Variants in NCAPG2 observed in about 807,000 individuals in gnomAD.
NCAPG2 encodes the protein non-SMC condensin II complex subunit G2.
Under a neutral mutation model 141.1 loss-of-function variants are expected in NCAPG2, and 53 were observed. The observed-to-expected ratio is 0.38, with a 90% CI of 0.30 to 0.47. The LOEUF is 0.47. NCAPG2 is among the 20% of genes least tolerant of loss of function. The probability of loss-of-function intolerance (pLI) is 0.99; values close to 1 mark genes in which losing one functional copy is unlikely to be tolerated. For missense variants in NCAPG2, 1,087 were observed against 1,389.0 expected (o/e 0.78, Z 3.46); for synonymous variants, 499 against 490.7 (o/e 1.02, Z -0.22).
chr7:158,680,884 T>G, intron 9 of NCAPG2, 68 bp from the exon 10 acceptor site: 1 of 1,187,876 alleles, frequency 8.4e-7, no homozygotes, highest in Admixed American at 2.2e-5. Context: ...AAATGGCATT[T>G]GGAAAGAGCA....
intron 2 of NCAPG2, among the ~76,000 whole-genome samples, chr7:158,696,936 T>C (rs1002227429): frequency 1.3e-5 from 2 of 152,258 alleles, no homozygotes; most frequent in South Asian, 2.1e-4. Flanking sequence ...AAGATTATAA[T>C]GGAGCTGAAA....
intron 24 of NCAPG2, among the ~76,000 whole-genome samples, 166 bp downstream of exon 24, chr7:158,650,666 T>C (rs1399974129): frequency 6.6e-6 from 1 of 152,210 alleles, no homozygotes; most frequent in Admixed American, 6.5e-5. Flanking sequence ...AAATACTAAC[T>C]AGCTATCAAA....
At chr7:158,634,888 G>T (rs1304163967) in intron 27 of NCAPG2, among the ~76,000 whole-genome samples, 1 of 152,218 alleles carries the variant, frequency 6.6e-6, no homozygotes, top group Non-Finnish European at 1.5e-5. Context: ...GGAAGGGACA[G>T]TGACAAAAAG....
At position 158,700,840 on chromosome 7, in the gene NCAPG2, C is replaced by T. The variant is rs1226576031; in HGVS notation, c.78+982G>A. ...GGGTCTCCTGCCCCAAAGATACTTT[C>T]GTATTTCAGAGTCAGTGCCTCCAAT... On this transcript the variant is annotated intron_variant, in intron 2 of 27. Transcript: ENST00000356309. Among the ~76,000 whole-genome samples, 4 of 152,312 alleles carry T rather than the reference C, an allele frequency of 2.6e-5. No homozygotes were observed. In the South Asian group the frequency reaches 6.2e-4, roughly 24 times the overall value.
At chr7:158,653,253 CA>C (rs1563512368) in intron 22 of NCAPG2, among the ~76,000 whole-genome samples, 1 of 151,406 alleles carries the variant, frequency 6.6e-6, no homozygotes, top group African/African-American at 2.4e-5. Flanking sequence ...CCCAGCTACT[CA>C]GGAGGCTGAG....
Position 158,656,308 on chromosome 7 carries a change from A to G in NCAPG2, c.2340T>C (p.Ala780=), listed in dbSNP as rs1831969604. ...AAAGATGGTTAAGTTTCTTCCGAGGAGCAGAGAGCAAGCACTCGCGGTTCT... is the reference window on the plus strand; with the variant it reads ...AAAGATGGTTAAGTTTCTTCCGAGGGGCAGAGAGCAAGCACTCGCGGTTCT... The part of the protein sequence containing the change: ...HPKNRECLLS[A]PRKKLNHLLK... Residue 780 remains alanine (A), a synonymous_variant, in exon 19 of 28, where the codon GCT becomes GCC. Transcript: ENST00000356309. 8 of 1,614,182 alleles carry G rather than the reference A, an allele frequency of 5.0e-6. No homozygotes were observed. The highest frequency in any genetic ancestry group is 6.8e-6 in the Non-Finnish European group (8 of 1,180,040).
At chr7:158,644,094 T>C (rs1035402022) in intron 27 of NCAPG2, among the ~76,000 whole-genome samples, 195 bp downstream of exon 27, 68 of 152,362 alleles carry the variant, frequency 4.5e-4, no homozygotes, top group African/African-American at 1.6e-3. Flanking sequence ...TTTGTTTTGT[T>C]TTTGAAGACA....
At chr7:158,666,373 C>T (rs927173022) in intron 13 of NCAPG2, among the ~76,000 whole-genome samples, 5 of 152,086 alleles carry the variant, frequency 3.3e-5, no homozygotes, top group Admixed American at 6.6e-5. Flanking sequence ...CTGCAGGTGA[C>T]AGTGCTGTTG....
chr7:158,704,327 A>G (rs1219266973), intron 1 of NCAPG2, among the ~76,000 whole-genome samples: 144 of 76,086 alleles, frequency 1.9e-3, no homozygotes, highest in Admixed American at 2.5e-3. Flanking sequence ...CTGAGGGGAC[A>G]CTCTCTGAGG....
intron 16 of NCAPG2, among the ~76,000 whole-genome samples, chr7:158,661,454 A>G (rs1832498066): frequency 6.6e-6 from 1 of 152,004 alleles, no homozygotes; most frequent in African/African-American, 2.4e-5. Context: ...CGCACAGAGA[A>G]GAGTGGTGGG....
intron 4 of NCAPG2, among the ~76,000 whole-genome samples, chr7:158,692,598 G>A (rs1052141038): frequency 7.2e-5 from 11 of 152,126 alleles, no homozygotes; most frequent in Admixed American, 1.3e-4. Flanking sequence ...AAAATTAGGC[G>A]GGCGTGGTGG....
In NCAPG2 at chr7:158,639,525, A is replaced by G. The variant is rs188387388; in HGVS notation, c.3380+4764T>C. Among the ~76,000 whole-genome samples, 1,231 of 152,348 alleles carry G rather than the reference A, an allele frequency of 8.1e-3. 6 individuals are homozygous for G. The highest frequency in any genetic ancestry group is 0.015 in the Non-Finnish European group (989 of 68,030). ...TTAAAATCAATAAACAAAAACCACAAGCCATTTTGTTAATAAATTTAAAAA... is the reference window on the plus strand; with the variant it reads ...TTAAAATCAATAAACAAAAACCACAGGCCATTTTGTTAATAAATTTAAAAA... On this transcript the variant is annotated intron_variant, in intron 27 of 27. Transcript: ENST00000356309.
intron 25 of NCAPG2, among the ~76,000 whole-genome samples, chr7:158,646,163 T>A (rs537964222): frequency 1.3e-5 from 2 of 152,330 alleles, no homozygotes; most frequent in Admixed American, 1.3e-4. Context: ...AAGAAGTATT[T>A]TACTAAACAT....
At chr7:158,657,346 C>A (rs1322672895) in intron 17 of NCAPG2, among the ~76,000 whole-genome samples, 2 of 152,216 alleles carry the variant, frequency 1.3e-5, no homozygotes, top group Non-Finnish European at 2.9e-5. Context: ...GCTCAAATAG[C>A]CAAAGCCCAG....
intron 6 of NCAPG2, among the ~76,000 whole-genome samples, chr7:158,688,674 G>A (rs1284333777): frequency 6.6e-6 from 1 of 152,182 alleles, no homozygotes; most frequent in Non-Finnish European, 1.5e-5. Flanking sequence ...ACAATCCTGT[G>A]AAACAGTAAC....
rs1835223510 is a variant in NCAPG2, at chr7:158,692,965, G to A, written c.268-9C>T. On this transcript the variant is annotated splice_polypyrimidine_tract_variant and intron_variant, in intron 3 of 27. Coordinates refer to ENST00000356309, the MANE Select transcript of NCAPG2 (RefSeq NM_017760.7). ...ATTTCTATGCTTTTTCTCTATAAAT[G>A]AAAAATCAAAGCATGAGTGAATTAA... 6.7e-7 allele frequency: 1 copy of A among 1,482,992 alleles called. No homozygotes were observed. Among genetic ancestry groups the A allele is most frequent in the East Asian group, 2.3e-5 (1 of 43,838 alleles). 91.9% of individuals were successfully genotyped at this position (1,482,992 alleles called of 1,614,324 possible). A position where few individuals can be genotyped will look rare whatever the true frequency, so the allele number is the denominator to read the frequency against.
chr7:158,647,263 G>C (rs1425000773), intron 24 of NCAPG2, among the ~76,000 whole-genome samples: 1 of 152,168 alleles, frequency 6.6e-6, no homozygotes, highest in African/African-American at 2.4e-5. Flanking sequence ...GGATTGGGAG[G>C]CTGTGCTAGG....
chr7:158,695,908 G>A (rs534825333), intron 2 of NCAPG2, among the ~76,000 whole-genome samples: 3 of 152,358 alleles, frequency 2.0e-5, no homozygotes, highest in African/African-American at 4.8e-5. Context: ...ATGAGGGGCC[G>A]GTGGGGTGGA....
At position 158,691,376 on chromosome 7, in the gene NCAPG2, T is replaced by C. The variant is rs73516499; in HGVS notation, c.383-654A>G. On this transcript the variant is annotated intron_variant, in intron 4 of 27. Transcript: ENST00000356309. ...ACTAGTTATTTGCAGACCATACAAATAAACTGATAGTAAAATTCACAAAGC... is the reference window on the plus strand; with the variant it reads ...ACTAGTTATTTGCAGACCATACAAACAAACTGATAGTAAAATTCACAAAGC... Among the ~76,000 whole-genome samples the C allele has an allele frequency of 1.0e-2, 1,519 of 152,336 alleles. 27 individuals are homozygous for C. The highest frequency in any genetic ancestry group is 0.034 in the African/African-American group (1,427 of 41,576).
Sources: gnomAD v4.1 joint callset for allele counts (sites outside exome capture counted in the v4.1 genomes callset) on GRCh38, gnomAD v4.1.1 for gene constraint, MANE v1.5 for transcripts, NCBI Gene and HGNC (gene_info 2026-07-23, HGNC 2026-07-21) for gene names.